PTPRK: variants seen among roughly 807,000 people sequenced by gnomAD.
The protein encoded by PTPRK is receptor-type tyrosine-protein phosphatase kappa.
In PTPRK, 75 loss-of-function variants were observed where a neutral mutation model predicts 178.0. The ratio of observed to expected loss-of-function variants is 0.42; its 90% CI spans 0.35 to 0.51. The LOEUF is 0.51. PTPRK is among the 20% of genes least tolerant of loss of function. The pLI, the probability that PTPRK is intolerant of heterozygous loss-of-function variation, is 0.02. For synonymous variants in PTPRK, 637 were observed against 620.6 expected, an observed-to-expected ratio of 1.03 and a Z score of -0.39; for missense variants, 1,441 against 1,797.8, an observed-to-expected ratio of 0.80 and a Z score of 3.59.
chr6:127,986,110 T>G (rs1009490373), intron 21 of PTPRK, among the ~76,000 whole-genome samples: 1 of 152,178 alleles, frequency 6.6e-6, no homozygotes, highest in African/African-American at 2.4e-5. Flanking sequence ...TCTTGCTCAG[T>G]TCTAAAAGTC....
chr6:128,037,324 C>A (rs752132586), intron 13 of PTPRK, among the ~76,000 whole-genome samples: 16 of 152,152 alleles, frequency 1.1e-4, no homozygotes, highest in Non-Finnish European at 1.9e-4. Flanking sequence ...CCACTTCCTG[C>A]AGAAAAGTTA....
intron 2 of PTPRK, among the ~76,000 whole-genome samples, chr6:128,328,823 C>T (rs1395484081): frequency 6.6e-6 from 1 of 151,986 alleles, no homozygotes. Flanking sequence ...ATAACCATTT[C>T]CCAAAATAAA....
intron 13 of PTPRK, among the ~76,000 whole-genome samples, chr6:128,028,435 C>A (rs1774698284): frequency 6.6e-6 from 1 of 152,184 alleles, no homozygotes; most frequent in Non-Finnish European, 1.5e-5. Context: ...AGTCTTACAG[C>A]CCTTTCTCAT....
Position 128,154,064 on chromosome 6 carries a change from CAGAAAAATTA to C in PTPRK, c.1162+30358_1162+30367del, listed in dbSNP as rs530813183. ...TGATTAGAGCAGGCCATGATTGTGA[CAGAAAAATTA>C]AAGAAGAAGGATAGAAAAAGCTAAG... is the stretch of plus-strand genomic sequence containing the variant. On this transcript the variant is annotated intron_variant, in intron 7 of 29. Coordinates refer to ENST00000368226, the MANE Select transcript of PTPRK (RefSeq NM_002844.4). Among the ~76,000 whole-genome samples the C allele has an allele frequency of 2.7e-4, 41 of 151,642 alleles. No individual in the cohort carries two copies. The South Asian group carries it at 8.5e-3, about 31-fold the overall frequency.
intron 7 of PTPRK, among the ~76,000 whole-genome samples, chr6:128,092,530 C>G (rs533777862): frequency 1.3e-5 from 2 of 152,222 alleles, no homozygotes; most frequent in South Asian, 4.1e-4. Context: ...TATAGATACA[C>G]ACATATACAT....
chr6:128,352,316 T>C (rs898179914), intron 2 of PTPRK, among the ~76,000 whole-genome samples: 2 of 137,920 alleles, frequency 1.5e-5, no homozygotes, highest in African/African-American at 5.4e-5. Context: ...AAAACAAACA[T>C]AAACACTAAA....
intron 6 of PTPRK, among the ~76,000 whole-genome samples, chr6:128,198,040 A>G (rs192641620): frequency 5.3e-4 from 81 of 152,192 alleles, no homozygotes; most frequent in African/African-American, 1.8e-3. Flanking sequence ...AGGAGTTTAA[A>G]TCACCTTTAG....
chr6:128,128,426 TC>T (rs1793712654), intron 7 of PTPRK, among the ~76,000 whole-genome samples: 1 of 152,186 alleles, frequency 6.6e-6, no homozygotes, highest in South Asian at 2.1e-4. Context: ...CCAAAACCAC[TC>T]CTATCCAAAT....
At chr6:128,303,177 T>C (rs1369385693) in intron 3 of PTPRK, among the ~76,000 whole-genome samples, 1 of 152,174 alleles carries the variant, frequency 6.6e-6, no homozygotes, top group Non-Finnish European at 1.5e-5. Context: ...GCATCACCAG[T>C]ATTTCAGGTT....
rs192280496 is a variant in PTPRK at position 128,487,520 on chromosome 6, G to T, written c.100+32739C>A. 4.0e-5 allele frequency among the ~76,000 whole-genome samples: 6 copies of T among 151,890 alleles called. 1 individual carries two copies. The highest frequency in any genetic ancestry group is 2.6e-4 in the Admixed American group (4 of 15,258). On this transcript the variant is annotated intron_variant, in intron 1 of 29. Coordinates refer to ENST00000368226, the MANE Select transcript of PTPRK (RefSeq NM_002844.4). The stretch of plus-strand genomic sequence containing the variant: ...CAAAACAGGCCATAAAACCCAGAAA[G>T]GTCACCCTCTCCCTTCTCCATCCTT...
At chr6:128,464,638 C>CAT (rs10665667) in intron 1 of PTPRK, among the ~76,000 whole-genome samples, 6,019 of 48,260 alleles carry the variant, frequency 0.12, 529 homozygotes, top group East Asian at 0.19. Context: ...TATATATACA[C>CAT]ATATATATAT....
chr6:127,986,499 A>T (rs1225384162), intron 21 of PTPRK, among the ~76,000 whole-genome samples: 1 of 152,224 alleles, frequency 6.6e-6, no homozygotes, highest in Non-Finnish European at 1.5e-5. Flanking sequence ...AAAGAAGTGA[A>T]GCATCTGCTG....
chr6:128,355,805 TAAATAA>T (rs755397142), intron 2 of PTPRK, among the ~76,000 whole-genome samples: 12 of 152,152 alleles, frequency 7.9e-5, no homozygotes, highest in East Asian at 1.9e-4. Context: ...ATAAAAAAAG[TAAATAA>T]AAATAAAAAT....
At chr6:128,510,900 G>C (rs1181829999) in intron 1 of PTPRK, among the ~76,000 whole-genome samples, 1 of 151,706 alleles carries the variant, frequency 6.6e-6, no homozygotes, top group Non-Finnish European at 1.5e-5. Flanking sequence ...TACATATATA[G>C]TAAGAACACT....
intron 7 of PTPRK, among the ~76,000 whole-genome samples, chr6:128,137,003 C>A (rs1304350599): frequency 2.0e-5 from 3 of 152,146 alleles, no homozygotes; most frequent in African/African-American, 4.8e-5. Context: ...CTAGACACTG[C>A]TGCATAAACC....
intron 1 of PTPRK, among the ~76,000 whole-genome samples, chr6:128,435,668 C>T (rs1002306363): frequency 1.3e-5 from 2 of 151,996 alleles, no homozygotes; most frequent in Non-Finnish European, 2.9e-5. Context: ...AAATGCTAAC[C>T]CAAAGAACTG....
chr6:128,094,962 A>G (rs185955924), intron 7 of PTPRK, among the ~76,000 whole-genome samples: 1 of 152,278 alleles, frequency 6.6e-6, no homozygotes, highest in Non-Finnish European at 1.5e-5. Context: ...AGAGATGAGC[A>G]TGTGTTAGTG....
At chr6:128,363,114 T>C (rs1834994959) in intron 2 of PTPRK, among the ~76,000 whole-genome samples, 1 of 152,174 alleles carries the variant, frequency 6.6e-6, no homozygotes, top group Non-Finnish European at 1.5e-5. Flanking sequence ...CTGCAACATT[T>C]ATTTTGTGTT....
intron 1 of PTPRK, among the ~76,000 whole-genome samples, chr6:128,513,479 T>C (rs1482988132): frequency 1.7e-5 from 2 of 115,990 alleles, no homozygotes; most frequent in Non-Finnish European, 3.4e-5. Flanking sequence ...CAAGACTCCA[T>C]CTCCAAAAAA....
Sources: allele counts gnomAD v4.1 joint callset (sites outside exome capture counted in the v4.1 genomes callset), GRCh38; gene constraint gnomAD v4.1.1; transcripts MANE v1.5; gene names NCBI Gene and HGNC (gene_info 2026-07-23, HGNC 2026-07-21).